The following ROBO2 variants were observed in gnomAD, a reference collection of about 807,000 sequenced individuals.
ROBO2 encodes the protein roundabout guidance receptor 2, also known as roundabout homolog 2.
ROBO2 carries 53 observed loss-of-function variants against 160.8 expected under a neutral mutation model. The ratio of observed to expected loss-of-function variants is 0.33; its 90% confidence interval spans 0.26 to 0.41. ROBO2 has a LOEUF of 0.41. Among genes scored for constraint, ROBO2 ranks in the 10% least tolerant of loss-of-function variants. The pLI is 1.00. For missense variants in ROBO2, 1,577 were observed against 1,722.4 expected (o/e 0.92, Z 1.49); for synonymous variants, 664 against 611.7 (o/e 1.09, Z -1.26).
intron 2 of ROBO2, among the ~76,000 whole-genome samples, chr3:77,000,484 C>G (rs2061280653): frequency 6.6e-6 from 1 of 152,150 alleles, no homozygotes; most frequent in African/African-American, 2.4e-5. Flanking sequence ...CTACTTATTT[C>G]AGGCAGAGTG....
At chr3:76,825,866 T>A (rs1397980795) in intron 2 of ROBO2, among the ~76,000 whole-genome samples, 1 of 152,102 alleles carries the variant, frequency 6.6e-6, no homozygotes, top group Non-Finnish European at 1.5e-5. Flanking sequence ...TAACATTCGT[T>A]CCGTTGAGTT....
At chr3:76,443,434 T>C (rs1023325904) in intron 2 of ROBO2, among the ~76,000 whole-genome samples, 2 of 152,124 alleles carry the variant, frequency 1.3e-5, no homozygotes, top group Non-Finnish European at 2.9e-5. Context: ...TGAGTATACG[T>C]AGGGACTATT....
At chr3:77,519,919 T>C (rs2090421017) in intron 5 of ROBO2, among the ~76,000 whole-genome samples, 1 of 151,528 alleles carries the variant, frequency 6.6e-6, no homozygotes, top group Non-Finnish European at 1.5e-5. Context: ...CATTCTCTTT[T>C]TTCCACAGCA....
At chr3:77,167,384 C>T (rs1220956915) in intron 2 of ROBO2, among the ~76,000 whole-genome samples, 5 of 152,142 alleles carry the variant, frequency 3.3e-5, no homozygotes, top group Admixed American at 6.6e-5. Context: ...TTTGCAATTG[C>T]TCTAATTTAG....
At chr3:77,594,076 C>T (rs1031230899) in intron 17 of ROBO2, among the ~76,000 whole-genome samples, 4 of 152,004 alleles carry the variant, frequency 2.6e-5, no homozygotes, top group African/African-American at 9.7e-5. Context: ...CTTCTAAACA[C>T]CATGTTTCTT....
chr3:77,180,416 C>CTCTCTCTCTCTCTCTATA (rs1433740534), intron 2 of ROBO2, among the ~76,000 whole-genome samples: 5 of 90,704 alleles, frequency 5.5e-5, no homozygotes, highest in Admixed American at 1.3e-4. Flanking sequence ...CTCTCTCTCT[C>CTCTCTCTCTCTCTCTATA]TATATATATA....
At chr3:76,742,099 A>C (rs531939671) in intron 2 of ROBO2, among the ~76,000 whole-genome samples, 36 of 152,230 alleles carry the variant, frequency 2.4e-4, no homozygotes, top group Non-Finnish European at 4.6e-4. Context: ...GAATACCTTC[A>C]TGAGAGTAGA....
At chr3:77,060,617 G>A (rs1220906271) in intron 1 of ROBO2, among the ~76,000 whole-genome samples, 1 of 152,078 alleles carries the variant, frequency 6.6e-6, no homozygotes, top group Non-Finnish European at 1.5e-5. Flanking sequence ...TGCAGAGAGA[G>A]GCTTTCCCTA....
intron 2 of ROBO2, among the ~76,000 whole-genome samples, chr3:77,011,246 T>C (rs1463190689): frequency 2.0e-5 from 3 of 152,004 alleles, no homozygotes; most frequent in East Asian, 3.9e-4. Context: ...TGTAGGAATA[T>C]AGTGTGTTTT....
At chr3:76,119,907 TC>T (rs1232841548) in intron 2 of ROBO2, among the ~76,000 whole-genome samples, 8 of 76,470 alleles carry the variant, frequency 1.0e-4, no homozygotes, top group African/African-American at 4.7e-4. Context: ...TTCCCTTCCT[TC>T]CCTCCCTCCC....
chr3:77,504,881 C>A (rs1412075175), intron 5 of ROBO2, among the ~76,000 whole-genome samples: 1 of 151,970 alleles, frequency 6.6e-6, no homozygotes, highest in African/African-American at 2.4e-5. Context: ...ATAGTCTATT[C>A]CTATATGAAA....
chr3:75,916,624 T>C (rs1418657577), intron 1 of ROBO2, among the ~76,000 whole-genome samples: 2 of 152,168 alleles, frequency 1.3e-5, no homozygotes, highest in Non-Finnish European at 1.5e-5. Context: ...GTATTCATAC[T>C]AAATCAATCT....
intron 2 of ROBO2, among the ~76,000 whole-genome samples, chr3:76,425,811 A>G (rs181851136): frequency 6.6e-6 from 1 of 151,998 alleles, no homozygotes; most frequent in Admixed American, 6.6e-5. Flanking sequence ...AAGCTGCTAG[A>G]AGAGGACCCA....
chr3:77,068,357 C>T (rs936230048), intron 1 of ROBO2, among the ~76,000 whole-genome samples: 1 of 152,104 alleles, frequency 6.6e-6, no homozygotes, highest in East Asian at 1.9e-4. Flanking sequence ...TCTATTGTGT[C>T]ATGATTTCTC....
intron 2 of ROBO2, among the ~76,000 whole-genome samples, chr3:76,580,886 T>C (rs10511049): frequency 0.073 from 11,091 of 152,168 alleles, 667 homozygotes; most frequent in East Asian, 0.24. Flanking sequence ...TTGGGCTAGT[T>C]TTATATTTCT....
intron 2 of ROBO2, among the ~76,000 whole-genome samples, chr3:77,264,714 G>A (rs965378573): frequency 1.3e-5 from 2 of 151,986 alleles, no homozygotes; most frequent in African/African-American, 4.8e-5. Flanking sequence ...CTACCATATA[G>A]ATACATATAT....
At chr3:76,631,857 T>C (rs146432192) in intron 2 of ROBO2, among the ~76,000 whole-genome samples, 44 of 152,240 alleles carry the variant, frequency 2.9e-4, no homozygotes, top group African/African-American at 1.1e-3. Flanking sequence ...TGATGAGAAA[T>C]AGCTGTTAGC....
At chr3:77,118,767 A>G (rs1309874962) in intron 2 of ROBO2, among the ~76,000 whole-genome samples, 4 of 152,234 alleles carry the variant, frequency 2.6e-5, no homozygotes. Flanking sequence ...GAAATGAGAC[A>G]TTAGGCAATT....
Position 77,304,113 on chromosome 3 carries a change from G to C in ROBO2, c.389-173301G>C, listed in dbSNP as rs1337900111. On this transcript the variant is annotated intron_variant, in intron 2 of 25. Coordinates refer to ENST00000461745, the Ensembl canonical transcript of ROBO2. ...GACCAGCCATGGACATATGCCGCTA[G>C]TGTCCACTTTCCTTCAGAGATTTAG... Among the ~76,000 whole-genome samples, 3 of 152,248 alleles carry C rather than the reference G, an allele frequency of 2.0e-5. No individual in the cohort carries two copies. In the East Asian group the frequency reaches 5.8e-4, roughly 29 times the overall value.
Sources: allele counts gnomAD v4.1 joint callset (sites outside exome capture counted in the v4.1 genomes callset), GRCh38; gene constraint gnomAD v4.1.1; transcripts MANE v1.5; gene names NCBI Gene and HGNC (gene_info 2026-07-23, HGNC 2026-07-21).